MBD5: variants seen among roughly 807,000 people sequenced by gnomAD.
MBD5 encodes methyl-CpG binding domain protein 5, also known as methyl-CpG-binding domain protein 5.
In MBD5, 13 loss-of-function variants were observed where a neutral mutation model predicts 117.3. The ratio of observed to expected loss-of-function variants is 0.11; its 90% confidence interval spans 0.07 to 0.18. The LOEUF (loss-of-function observed/expected upper bound fraction) is 0.18, where lower values mean the gene tolerates loss of function less well. MBD5 is among the 10% of genes least tolerant of loss of function. MBD5 has a pLI of 1.00. For missense variants in MBD5, 1,879 were observed against 2,093.8 expected (o/e 0.90, Z 2.00); for synonymous variants, 727 against 766.4 (o/e 0.95, Z 0.85).
intron 1 of MBD5, among the ~76,000 whole-genome samples, chr2:148,052,409 T>C (rs1326000197): frequency 6.6e-6 from 1 of 151,912 alleles, no homozygotes. Flanking sequence ...GGGGTTTCTC[T>C]GTGTTGGTCA....
At chr2:148,338,946 T>C (rs1196398151) in intron 3 of MBD5, among the ~76,000 whole-genome samples, 1 of 152,168 alleles carries the variant, frequency 6.6e-6, no homozygotes, top group Non-Finnish European at 1.5e-5. Context: ...ACCTTGCCAA[T>C]GGGCTGGATT....
intron 4 of MBD5, among the ~76,000 whole-genome samples, chr2:148,416,924 T>C (rs1705436879): frequency 6.6e-6 from 1 of 152,176 alleles, no homozygotes. Flanking sequence ...TCCAGTTCCA[T>C]CCAAGTTTCT....
intron 4 of MBD5, among the ~76,000 whole-genome samples, chr2:148,402,965 C>T (rs552441179): frequency 6.6e-6 from 1 of 151,958 alleles, no homozygotes; most frequent in Non-Finnish European, 1.5e-5. Context: ...ATTTCTCGCT[C>T]TGTTTCATTT....
intron 1 of MBD5, among the ~76,000 whole-genome samples, chr2:148,124,842 A>G (rs1333580588): frequency 6.6e-6 from 1 of 151,898 alleles, no homozygotes; most frequent in Non-Finnish European, 1.5e-5. Flanking sequence ...TTGGTATTTA[A>G]TATGATTTGA....
chr2:148,147,440 C>A (rs1292708342), intron 1 of MBD5, among the ~76,000 whole-genome samples: 1 of 151,644 alleles, frequency 6.6e-6, no homozygotes, highest in East Asian at 1.9e-4. Flanking sequence ...CGAGGTTTCA[C>A]CATGTTGGCC....
At chr2:148,139,267 C>T (rs561856838) in intron 1 of MBD5, among the ~76,000 whole-genome samples, 1 of 152,052 alleles carries the variant, frequency 6.6e-6, no homozygotes, top group East Asian at 1.9e-4. Flanking sequence ...AGTGCAGTGA[C>T]GCAATCTCGG....
chr2:148,209,287 C>T (rs1291865050), intron 2 of MBD5, among the ~76,000 whole-genome samples: 1 of 152,034 alleles, frequency 6.6e-6, no homozygotes, highest in Non-Finnish European at 1.5e-5. Flanking sequence ...ATTCCCAATG[C>T]AATAATGTTA....
chr2:148,122,171 G>A (rs1193786450), intron 1 of MBD5, among the ~76,000 whole-genome samples: 1 of 152,116 alleles, frequency 6.6e-6, no homozygotes, highest in African/African-American at 2.4e-5. Flanking sequence ...TCCTAATACA[G>A]AGGTAAAATA....
chr2:148,480,064 T>G (rs2105045368), intron 8 of MBD5, among the ~76,000 whole-genome samples: 1 of 152,184 alleles, frequency 6.6e-6, no homozygotes, highest in Non-Finnish European at 1.5e-5. Flanking sequence ...AATTTTTATT[T>G]TCATGGTTCT....
Position 148,490,044 on chromosome 2 carries a change from C to A in MBD5, c.4412C>A (p.Pro1471Gln). 6.2e-7 allele frequency: 1 copy of A among 1,613,964 alleles called. No individual in the cohort carries two copies. Among genetic ancestry groups the A allele is most frequent in the East Asian group, 2.2e-5 (1 of 44,874 alleles). Residue 1471 changes from proline to glutamine, a missense_variant, in exon 11 of 14, where the codon CCA becomes CAA. Physicochemically the swap from Pro to Gln is moderately conservative, Grantham distance 76. Coordinates refer to ENST00000642680, the MANE Select transcript of MBD5 (RefSeq NM_001378120.1). ...AGGCCCAACAATGTCTCTACACTGC[C>A]ATTTCTGCCTGGGGAACAGCACCCA... is the stretch of plus-strand genomic sequence containing the variant. ...HERPNNVSTL[P>Q]FLPGEQHPIL...
chr2:148,155,095 G>A (rs1697834641), intron 1 of MBD5, among the ~76,000 whole-genome samples: 1 of 152,202 alleles, frequency 6.6e-6, no homozygotes, highest in South Asian at 2.1e-4. Context: ...ATTAAAATAT[G>A]TTGTGTGTCT....
At chr2:148,342,038 T>C (rs1170046771) in intron 3 of MBD5, among the ~76,000 whole-genome samples, 176 bp from the exon 4 acceptor site, 1 of 152,096 alleles carries the variant, frequency 6.6e-6, no homozygotes, top group African/African-American at 2.4e-5. Context: ...TTTAATTATT[T>C]CTGGTAGTTA....
Position 148,148,478 on chromosome 2 carries a change from G to C in MBD5, c.-924-30222G>C, listed in dbSNP as rs538313243. On this transcript the variant is annotated intron_variant, in intron 1 of 13. Coordinates refer to ENST00000642680, the MANE Select transcript of MBD5 (RefSeq NM_001378120.1). ...ATAAATATTCTTTGGATTATTTTAA[G>C]TTTTTAATTTCCAGAGTTCTGAAAA... Among the ~76,000 whole-genome samples the C allele has an allele frequency of 5.7e-4, 87 of 152,260 alleles. 1 individual carries two copies. Among genetic ancestry groups the C allele is most frequent in the South Asian group, 2.1e-3 (10 of 4,822 alleles).
At chr2:148,183,519 T>C (rs1466681579) in intron 2 of MBD5, among the ~76,000 whole-genome samples, 1 of 125,780 alleles carries the variant, frequency 8.0e-6, no homozygotes, top group East Asian at 2.4e-4. Context: ...AATCTTTTAT[T>C]ACTAAAAAAA....
intron 8 of MBD5, among the ~76,000 whole-genome samples, chr2:148,480,254 C>T (rs1460952503): frequency 6.6e-6 from 1 of 152,170 alleles, no homozygotes; most frequent in South Asian, 2.1e-4. Flanking sequence ...TCTTCTAATT[C>T]TTCAATAATA....
At chr2:148,456,114 G>A (rs1023910356) in intron 4 of MBD5, among the ~76,000 whole-genome samples, 1 of 152,106 alleles carries the variant, frequency 6.6e-6, no homozygotes, top group African/African-American at 2.4e-5. Context: ...ATTACACTGG[G>A]CTTTGGATAA....
At chr2:148,060,514 C>T (rs1226840453) in intron 1 of MBD5, among the ~76,000 whole-genome samples, 2 of 152,024 alleles carry the variant, frequency 1.3e-5, no homozygotes, top group Non-Finnish European at 2.9e-5. Context: ...CTGATTATTT[C>T]AGGACTTAAC....
intron 8 of MBD5, among the ~76,000 whole-genome samples, chr2:148,473,325 G>A (rs979575277): frequency 6.6e-6 from 1 of 151,964 alleles, no homozygotes; most frequent in Non-Finnish European, 1.5e-5. Context: ...ATTAGAATGG[G>A]TTTCCTAGTA....
At chr2:148,248,336 G>A (rs180868846) in intron 3 of MBD5, among the ~76,000 whole-genome samples, 6 of 152,180 alleles carry the variant, frequency 3.9e-5, no homozygotes, top group Non-Finnish European at 1.5e-5. Context: ...GGTATTGTGG[G>A]TTTGCTACTG....
Sources: allele counts gnomAD v4.1 joint callset (sites outside exome capture counted in the v4.1 genomes callset), GRCh38; gene constraint gnomAD v4.1.1; transcripts MANE v1.5; gene names NCBI Gene and HGNC (gene_info 2026-07-23, HGNC 2026-07-21).